The following DNAH2 variants were observed in gnomAD, a reference collection of about 807,000 sequenced individuals.
DNAH2 encodes axonemal beta dynein heavy chain 2.
In DNAH2, 323 loss-of-function variants were observed where a neutral mutation model predicts 523.5. That is an observed-to-expected ratio of 0.62 (90% CI 0.56 to 0.68). The LOEUF (loss-of-function observed/expected upper bound fraction) is 0.68, where lower values mean the gene tolerates loss of function less well. DNAH2 is among the 30% of genes least tolerant of loss of function. DNAH2 has a pLI of 0.00. For synonymous variants in DNAH2, 2,093 were observed against 2,177.4 expected, an observed-to-expected ratio of 0.96 and a Z score of 1.08; for missense variants, 4,907 against 5,701.5, an observed-to-expected ratio of 0.86 and a Z score of 4.49.
At position 7,798,671 on chromosome 17, in the gene DNAH2, A is replaced by G. The variant is rs2077136329; in HGVS notation, c.8512A>G (p.Ser2838Gly). The G allele has an allele frequency of 3.7e-6, 6 of 1,613,990 alleles. No individual in the cohort carries two copies. The highest frequency in any genetic ancestry group is 5.1e-6 in the Non-Finnish European group (6 of 1,180,034). ...SFLEDINNILSSGEVPNLYKP... is the reference protein window; with the variant it reads ...SFLEDINNILGSGEVPNLYKP... ...CCTAGAGGACATCAACAACATCCTC[A>G]GCTCAGGCGAGGTGCCCAATCTCTA... Residue 2838 changes from serine to glycine, a missense_variant, in exon 55 of 86, where the codon AGC becomes GGC. Transcript: ENST00000572933. The surrounding 1 kb of genome is among the most constrained non-coding windows in gnomAD (Gnocchi z 5.5).
chr17:7,779,121 C>T (rs72840089), intron 35 of DNAH2, 122 bp from the exon 36 acceptor site: 335,764 of 1,148,044 alleles, frequency 0.29, 55,259 homozygotes, highest in Non-Finnish European at 0.34. Context: ...GCCCTCCTCC[C>T]TGCCCCCTAG....
Position 7,828,765 on chromosome 17 carries a change from G to A in DNAH2, c.11854-1535G>A, listed in dbSNP as rs372428540. ...GGCCTAAAATTCTGTAATTTTCTCC[G>A]TAAATAATCATACATTTTAATTGGA... On this transcript the variant is annotated intron_variant, in intron 77 of 85. Transcript: ENST00000572933. The surrounding 1 kb of genome is among the most constrained non-coding windows in gnomAD (Gnocchi z 4.1). Among the ~76,000 whole-genome samples, 5 of 151,840 alleles carry A rather than the reference G, an allele frequency of 3.3e-5. No individual in the cohort carries two copies. Among genetic ancestry groups the A allele is most frequent in the Non-Finnish European group, 7.4e-5 (5 of 67,990 alleles).
intron 25 of DNAH2, 72 bp downstream of exon 25, chr17:7,770,480 C>A (rs1597601900): frequency 6.2e-7 from 1 of 1,613,388 alleles, no homozygotes; most frequent in East Asian, 2.2e-5. Context: ...TGTTCATCAT[C>A]TGATGGCGCC....
At chr17:7,829,266 C>A (rs1308331442) in intron 77 of DNAH2, among the ~76,000 whole-genome samples, 1 of 152,178 alleles carries the variant, frequency 6.6e-6, no homozygotes, top group Non-Finnish European at 1.5e-5. Context: ...CCCACCTCGG[C>A]CTCCCAAAGT....
Position 7,823,998 on chromosome 17 carries a change from T to G in DNAH2, c.11478+16T>G. 1 of 1,609,150 alleles carries G rather than the reference T, an allele frequency of 6.2e-7. No homozygotes were observed. Among genetic ancestry groups the G allele is most frequent in the Non-Finnish European group, 8.5e-7 (1 of 1,177,682 alleles). On this transcript the variant is annotated intron_variant, in intron 75 of 85. Coordinates refer to ENST00000572933, the MANE Select transcript of DNAH2 (RefSeq NM_020877.5). ...TATGAAGTCGGTCGGTGGCTCGGCT[T>G]CCTTGTCCCCACGGCCCATGGGTCT...
rs2076561083 is a variant in DNAH2, at chr17:7,780,047, T to C, written c.5723-110T>C. The C allele has an allele frequency of 1.4e-6, 2 of 1,409,766 alleles. No individual in the cohort carries two copies. Among genetic ancestry groups the C allele is most frequent in the East Asian group, 4.6e-5 (2 of 43,138 alleles). 87.3% of individuals were successfully genotyped at this position (1,409,766 alleles called of 1,614,324 possible). On this transcript the variant is annotated intron_variant, in intron 36 of 85. Transcript: ENST00000572933. The surrounding 1 kb of genome is among the most constrained non-coding windows in gnomAD (Gnocchi z 4.4). ...GTGGTCTTGGAGTTGGAGAGAAAGT[T>C]AGGGATGGAGTTAGGGTGGGAGAAA...
rs377420175 is a variant in DNAH2 at position 7,801,991 on chromosome 17, C to T, written c.8946C>T (p.Tyr2982=). The part of the protein sequence containing the change: ...RRHNYVTPTK[Y]LELLSGYKKL... ...ACAACTATGTCACACCCACCAAATA[C>T]CTGGAACTCCTGTCTGGATATAAGA... is the stretch of plus-strand genomic sequence containing the variant. Residue 2982 remains tyrosine (Y), a synonymous_variant, in exon 58 of 86, where the codon TAC becomes TAT. Coordinates refer to ENST00000572933, the MANE Select transcript of DNAH2 (RefSeq NM_020877.5). The T allele has an allele frequency of 1.2e-6, 2 of 1,613,962 alleles. No homozygotes were observed. Among genetic ancestry groups the T allele is most frequent in the African/African-American group, 1.3e-5 (1 of 74,924 alleles).
chr17:7,764,374 G>C, intron 20 of DNAH2, 101 bp downstream of exon 20: 1 of 1,415,602 alleles, frequency 7.1e-7, no homozygotes, highest in Non-Finnish European at 9.6e-7. Context: ...AGTGACAGCA[G>C]GAGGAGACTC....
At chr17:7,817,440 A>G (rs9904219) in intron 65 of DNAH2, 25 bp downstream of exon 65, 2 of 1,613,736 alleles carry the variant, frequency 1.2e-6, no homozygotes, top group Non-Finnish European at 1.7e-6. Flanking sequence ...AGGCATGACA[A>G]GTAGGCTCCG....
Position 7,759,816 on chromosome 17 carries a change from C to G in DNAH2, c.2663C>G (p.Thr888Ser). 4.3e-6 allele frequency: 7 copies of G among 1,614,238 alleles called. No homozygotes were observed. The highest frequency in any genetic ancestry group is 5.9e-6 in the Non-Finnish European group (7 of 1,180,036). Reference protein sequence around the residue: ...AQVEFSPTLQTLAGVVNDIGN... With the variant: ...AQVEFSPTLQSLAGVVNDIGN... The stretch of plus-strand genomic sequence containing the variant: ...GTGGAATTCTCACCCACTCTGCAGA[C>G]TTTGGCAGGTGTGGTCAATGACATT... Residue 888 changes from threonine (T) to serine (S), a missense_variant, in exon 17 of 86, where the codon ACT becomes AGT. Transcript: ENST00000572933.
At position 7,762,476 on chromosome 17, in the gene DNAH2, C is replaced by T. The variant is rs541683676; in HGVS notation, c.2979-1355C>T. 3.3e-4 allele frequency among the ~76,000 whole-genome samples: 50 copies of T among 151,954 alleles called. No individual in the cohort carries two copies. In the East Asian group the frequency reaches 4.5e-3, roughly 14 times the overall value. On this transcript the variant is annotated intron_variant, in intron 18 of 85. Transcript: ENST00000572933. ...TCAGCCTCCCGAGTAGCTGGGACTA[C>T]GGGTGCCCGCCACCACGCCCAGCTA...
At chr17:7,792,122 G>A (rs545284951) in intron 45 of DNAH2, 53 bp downstream of exon 45, 219 of 1,607,622 alleles carry the variant, frequency 1.4e-4, no homozygotes, top group Non-Finnish European at 1.8e-4. Flanking sequence ...GACCCCCTGG[G>A]CATCCCCCAT....
intron 44 of DNAH2, among the ~76,000 whole-genome samples, chr17:7,788,778 ATGT>A (rs1424544697): frequency 6.6e-6 from 1 of 152,250 alleles, no homozygotes; most frequent in African/African-American, 2.4e-5. Context: ...GTTTTTAAAG[ATGT>A]TGCTAGGTAA....
chr17:7,832,568 T>A lies in DNAH2; in HGVS notation c.12727-11T>A, dbSNP rs987607822. Reference sequence around the variant, plus strand: ...GCTAAATGAGTGAATACACACGCACTCCTTCCCCAGGCATACCCCTCACAA... The same window carrying A: ...GCTAAATGAGTGAATACACACGCACACCTTCCCCAGGCATACCCCTCACAA... On this transcript the variant is annotated splice_polypyrimidine_tract_variant and intron_variant, in intron 82 of 85. Coordinates refer to ENST00000572933, the MANE Select transcript of DNAH2 (RefSeq NM_020877.5). The surrounding 1 kb of genome is among the most constrained non-coding windows in gnomAD (Gnocchi z 4.3). 28 of 1,613,110 alleles carry A rather than the reference T, an allele frequency of 1.7e-5. No individual in the cohort carries two copies. Among genetic ancestry groups the A allele is most frequent in the Non-Finnish European group, 2.4e-5 (28 of 1,179,640 alleles).
At chr17:7,785,745 C>T (rs984058121) in intron 39 of DNAH2, among the ~76,000 whole-genome samples, 1 of 152,206 alleles carries the variant, frequency 6.6e-6, no homozygotes, top group Non-Finnish European at 1.5e-5. Context: ...CTATTTTGTT[C>T]CAAGCCGTAT....
chr17:7,827,783 T>C (rs949222203), intron 77 of DNAH2, among the ~76,000 whole-genome samples: 2 of 152,020 alleles, frequency 1.3e-5, no homozygotes, highest in African/African-American at 4.8e-5. Flanking sequence ...ATTCTCCCAG[T>C]ACCACTTCTC....
At position 7,778,123 on chromosome 17, in the gene DNAH2, ATAAT is replaced by A. The variant is rs773403636; in HGVS notation, c.5297_5300del (p.Asn1766MetfsTer15). ...CGCCAGACCAACACGCAATTTCAGT[ATAAT>A]TATGAGTACTTGGGTAACTCGGGCC... On this transcript the variant is annotated frameshift_variant, in exon 34 of 86. Coordinates refer to ENST00000572933, the MANE Select transcript of DNAH2 (RefSeq NM_020877.5). LOFTEE classifies it high-confidence loss of function. 6.2e-6 allele frequency: 10 copies of A among 1,614,140 alleles called. No homozygotes were observed. The Admixed American group carries it at 1.3e-4, about 22-fold the overall frequency.
rs140049289 is a variant in DNAH2 at position 7,768,012 on chromosome 17, C to T, written c.3788C>T (p.Thr1263Met). The T allele has an allele frequency of 4.8e-4, 781 of 1,614,114 alleles. 1 individual carries two copies. The highest frequency in any genetic ancestry group is 6.0e-4 in the Non-Finnish European group (712 of 1,180,024). The change falls in exon 23 of 86, where the codon ACG (threonine) becomes ATG (methionine). Residue 1263 changes from threonine (T) to methionine (M), a missense_variant. Transcript: ENST00000572933. ...LILQTETMET[T>M]AHGLFRRLTK... is the part of the protein sequence containing the mutation. ...CTGCAGACGGAAACCATGGAGACCA[C>T]GGCCCACGGGCTGTTTCGTCGCCTC...
Position 7,770,006 on chromosome 17 carries a change from C to T in DNAH2, c.3942-246C>T, listed in dbSNP as rs58398495. Among the ~76,000 whole-genome samples the T allele has an allele frequency of 4.5e-4, 68 of 152,290 alleles. No homozygotes were observed. In the East Asian group the frequency reaches 8.5e-3, roughly 19 times the overall value. On this transcript the variant is annotated intron_variant, in intron 24 of 85. Coordinates refer to ENST00000572933, the MANE Select transcript of DNAH2 (RefSeq NM_020877.5). ...TCAGTACAGTTCTAGAGTAAACCTG[C>T]GGTGATTCATTGTGTGTTTTGTGGG...
Sources: allele counts gnomAD v4.1 joint callset (sites outside exome capture counted in the v4.1 genomes callset), GRCh38; gene constraint gnomAD v4.1.1; non-coding constraint Gnocchi (gnomAD v3.1); transcripts MANE v1.5; gene names NCBI Gene and HGNC (gene_info 2026-07-23, HGNC 2026-07-21).